The following PCDHGA10 variants were observed in gnomAD, a reference collection of about 807,000 sequenced individuals.
The protein encoded by PCDHGA10 is protocadherin gamma subfamily A, 10.
In PCDHGA10, 42 loss-of-function variants were observed where a neutral mutation model predicts 59.5. That is an observed-to-expected ratio of 0.71 (90% confidence interval 0.55 to 0.91). The LOEUF (loss-of-function observed/expected upper bound fraction) is 0.91. Among genes scored for constraint, PCDHGA10 ranks in the 40% least tolerant of loss-of-function variants. PCDHGA10 has a pLI of 0.00. For synonymous variants in PCDHGA10, 511 were observed against 517.2 expected (o/e 0.99, Z 0.16); for missense variants, 1,111 against 1,198.2 (o/e 0.93, Z 1.07).
In PCDHGA10 at chr5:141,414,118, G is replaced by C. The variant is rs559064215; in HGVS notation, c.943G>C (p.Glu315Gln). The C allele has an allele frequency of 6.3e-7, 1 of 1,592,490 alleles. No homozygotes were observed. Among genetic ancestry groups the C allele is most frequent in the Admixed American group, 1.8e-5 (1 of 56,082 alleles). The change falls in exon 1 of 4, where the codon GAA (glutamate) becomes CAA (glutamine). Residue 315 changes from glutamate (E) to glutamine (Q), a missense_variant. Coordinates refer to ENST00000398610, the MANE Select transcript of PCDHGA10 (RefSeq NM_018913.3). The part of the protein sequence containing the change: ...IKISENLDYE[E>Q]TGFYEIEIQA... The stretch of plus-strand genomic sequence containing the variant: ...AATATCAGAAAATCTAGATTATGAA[G>C]AAACCGGTTTCTATGAAATAGAAAT...
chr5:141,478,109 T>C, intron 1 of PCDHGA10: 1 of 1,614,086 alleles, frequency 6.2e-7, no homozygotes, highest in Non-Finnish European at 8.5e-7. Context: ...CCTCACTGTG[T>C]CAGTAACCGA....
chr5:141,451,676 G>A (rs1363843426), intron 1 of PCDHGA10, among the ~76,000 whole-genome samples: 1 of 152,142 alleles, frequency 6.6e-6, no homozygotes, highest in African/African-American at 2.4e-5. Flanking sequence ...GAGCCCAGGA[G>A]TTCAAGACCA....
intron 3 of PCDHGA10, among the ~76,000 whole-genome samples, chr5:141,510,566 A>G (rs2154594633): frequency 6.6e-6 from 1 of 152,288 alleles, no homozygotes; most frequent in South Asian, 2.1e-4. Flanking sequence ...TACATCTACC[A>G]GGCACTATTT....
chr5:141,506,847 T>C lies in PCDHGA10; in HGVS notation c.2584+1366T>C, dbSNP rs146737657. ...GAACTGATAGCCCTGCCCTCCAGCA[T>C]GTCTGGAGGACTGGTGGGTAGAGAA... On this transcript the variant is annotated intron_variant, in intron 3 of 3. Coordinates refer to ENST00000398610, the MANE Select transcript of PCDHGA10 (RefSeq NM_018913.3). 3.7e-3 allele frequency among the ~76,000 whole-genome samples: 564 copies of C among 152,318 alleles called. 5 individuals are homozygous for C. Among genetic ancestry groups the C allele is most frequent in the Admixed American group, 0.011 (164 of 15,302 alleles).
rs565813908 is a variant in PCDHGA10 at position 141,503,968 on chromosome 5, G to A, written c.2496-1425G>A. Among the ~76,000 whole-genome samples, 14 of 152,182 alleles carry A rather than the reference G, an allele frequency of 9.2e-5. No homozygotes were observed. The South Asian group carries it at 2.7e-3, about 29-fold the overall frequency. ...GGCCTACCCTACAGCCTTTCCCATG[G>A]TGCCAAACCCTTCTTCTTACCTTAC... On this transcript the variant is annotated intron_variant, in intron 2 of 3. Transcript: ENST00000398610.
At chr5:141,418,441 A>T in intron 1 of PCDHGA10, 2 of 1,614,000 alleles carry the variant, frequency 1.2e-6, no homozygotes, top group East Asian at 4.5e-5. Flanking sequence ...ATCCAGAATT[A>T]GTATTGCAGA....
chr5:141,500,883 T>G (rs1250275850), intron 2 of PCDHGA10, among the ~76,000 whole-genome samples: 2 of 97,532 alleles, frequency 2.1e-5, no homozygotes, highest in African/African-American at 1.2e-4. Context: ...TACAATTTTT[T>G]TTTTTTGAGA....
At chr5:141,438,627 TATATATATAC>T (rs572501359) in intron 1 of PCDHGA10, among the ~76,000 whole-genome samples, 778 of 47,938 alleles carry the variant, frequency 0.016, 4 homozygotes, top group East Asian at 0.059. Context: ...TATATATATA[TATATATATAC>T]ACACACACAC....
At chr5:141,438,749 C>T (rs1238134451) in intron 1 of PCDHGA10, among the ~76,000 whole-genome samples, 3 of 149,226 alleles carry the variant, frequency 2.0e-5, no homozygotes, top group African/African-American at 4.9e-5. Context: ...GCAACCTCTG[C>T]CTCCTGGGTT....
intron 1 of PCDHGA10, among the ~76,000 whole-genome samples, chr5:141,437,064 G>T (rs1380953110): frequency 6.6e-6 from 1 of 152,170 alleles, no homozygotes; most frequent in Non-Finnish European, 1.5e-5. Flanking sequence ...ATCATTATTT[G>T]GTTTGGGCCA....
At chr5:141,478,586 T>C (rs754157570) in intron 1 of PCDHGA10, 6 of 1,576,788 alleles carry the variant, frequency 3.8e-6, no homozygotes, top group Non-Finnish European at 3.4e-6. Context: ...GTTAGTGCTT[T>C]TTTATTCCTA....
chr5:141,438,619 TATATATATATATATATACACAC>T (rs1408639052), intron 1 of PCDHGA10, among the ~76,000 whole-genome samples: 61 of 39,666 alleles, frequency 1.5e-3, no homozygotes, highest in African/African-American at 9.2e-3. Context: ...TATATATATA[TATATATATATATATATACACAC>T]ACACACACAC....
intron 3 of PCDHGA10, among the ~76,000 whole-genome samples, chr5:141,507,500 A>G (rs2099861039): frequency 6.6e-6 from 1 of 152,206 alleles, no homozygotes; most frequent in Admixed American, 6.5e-5. Flanking sequence ...GAGCTGTCCC[A>G]GGTCTGGTGG....
At position 141,432,480 on chromosome 5, in the gene PCDHGA10, G is replaced by C; in HGVS notation, c.2436+16869G>C. ...GCCCTCCCCACGGACGGTTCCACTGGCGTGGAGCTGGCTCCCCGCTCCGCA... is the reference window on the plus strand; with the variant it reads ...GCCCTCCCCACGGACGGTTCCACTGCCGTGGAGCTGGCTCCCCGCTCCGCA... On this transcript the variant is annotated intron_variant, in intron 1 of 3. Coordinates refer to ENST00000398610, the MANE Select transcript of PCDHGA10 (RefSeq NM_018913.3). The surrounding 1 kb of genome is among the most constrained non-coding windows in gnomAD (Gnocchi z 6.0). 6 of 1,614,180 alleles carry C rather than the reference G, an allele frequency of 3.7e-6. No homozygotes were observed. Among genetic ancestry groups the C allele is most frequent in the Non-Finnish European group, 5.1e-6 (6 of 1,180,044 alleles).
intron 1 of PCDHGA10, among the ~76,000 whole-genome samples, chr5:141,450,322 T>A (rs1246284108): frequency 6.6e-6 from 1 of 152,106 alleles, no homozygotes; most frequent in African/African-American, 2.4e-5. Context: ...CTAGTTGCCA[T>A]GTCTCTTTAA....
chr5:141,415,515 G>A lies in PCDHGA10; in HGVS notation c.2340G>A (p.Ala780=), dbSNP rs752258863. ...SHLIFPQPNY[A]DTLISQESCE... is the part of the protein sequence containing the mutation. ...TGATCTTCCCCCAGCCCAATTATGCGGACACGCTCATCAGCCAGGAGAGCT... is the reference window on the plus strand; with the variant it reads ...TGATCTTCCCCCAGCCCAATTATGCAGACACGCTCATCAGCCAGGAGAGCT... The change falls in exon 1 of 4, where the codon GCG becomes GCA. Residue 780 remains alanine (A), a synonymous_variant. Coordinates refer to ENST00000398610, the MANE Select transcript of PCDHGA10 (RefSeq NM_018913.3). 5 of 1,614,152 alleles carry A rather than the reference G, an allele frequency of 3.1e-6. No individual in the cohort carries two copies. The highest frequency in any genetic ancestry group is 1.1e-5 in the South Asian group (1 of 91,080).
At chr5:141,447,209 G>A (rs1004956165) in intron 1 of PCDHGA10, among the ~76,000 whole-genome samples, 3 of 151,850 alleles carry the variant, frequency 2.0e-5, no homozygotes, top group East Asian at 3.9e-4. Context: ...GCTTGATCTC[G>A]GCTCACTGCA....
Position 141,431,887 on chromosome 5 carries a change from T to G in PCDHGA10, c.2436+16276T>G. ...TTTTAAATGTAAATGACCAAGATTC[T>G]GAGGAAAACGGACAGGTGATCTGTT... On this transcript the variant is annotated intron_variant, in intron 1 of 3. Transcript: ENST00000398610. The surrounding 1 kb of genome is among the most constrained non-coding windows in gnomAD (Gnocchi z 4.8). 6.2e-7 allele frequency: 1 copy of G among 1,614,190 alleles called. No individual in the cohort carries two copies. Among genetic ancestry groups the G allele is most frequent in the Non-Finnish European group, 8.5e-7 (1 of 1,179,996 alleles).
intron 1 of PCDHGA10, among the ~76,000 whole-genome samples, chr5:141,435,478 C>A (rs1279447863): frequency 6.6e-6 from 1 of 152,146 alleles, no homozygotes; most frequent in Non-Finnish European, 1.5e-5. Flanking sequence ...TTAGACATTT[C>A]TTTTGCCCAT....
Sources: allele counts gnomAD v4.1 joint callset (sites outside exome capture counted in the v4.1 genomes callset), GRCh38; gene constraint gnomAD v4.1.1; non-coding constraint Gnocchi (gnomAD v3.1); transcripts MANE v1.5; gene names NCBI Gene and HGNC (gene_info 2026-07-23, HGNC 2026-07-21).